The following IL17RC variants were observed in gnomAD, a reference collection of about 807,000 sequenced individuals.
The protein encoded by IL17RC is interleukin-17 receptor C.
Under a neutral mutation model 86.7 loss-of-function variants are expected in IL17RC, and 53 were observed. That is an observed-to-expected ratio of 0.61 (90% CI 0.49 to 0.77). The LOEUF (loss-of-function observed/expected upper bound fraction) is 0.77, where lower values mean the gene tolerates loss of function less well. Among genes scored for constraint, IL17RC ranks in the 30% least tolerant of loss-of-function variants. IL17RC has a pLI of 0.00. For missense variants in IL17RC, 957 were observed against 940.0 expected, an observed-to-expected ratio of 1.02 and a Z score of -0.24; for synonymous variants, 439 against 413.1, an observed-to-expected ratio of 1.06 and a Z score of -0.76.
At chr3:9,924,454 TTCTG>T (rs1479907999) in intron 9 of IL17RC, among the ~76,000 whole-genome samples, 163 bp downstream of exon 9, 5 of 152,188 alleles carry the variant, frequency 3.3e-5, no homozygotes, top group South Asian at 2.1e-4. Flanking sequence ...GTCCTATGCC[TTCTG>T]TCTATTACAT....
At position 9,933,323 on chromosome 3, in the gene IL17RC, G is replaced by A. The variant is rs755343976; in HGVS notation, c.1893G>A (p.Gly631=). The A allele has an allele frequency of 1.1e-5, 17 of 1,608,284 alleles. No individual in the cohort carries two copies. In the South Asian group the frequency reaches 1.7e-4, roughly 16 times the overall value. ...GCCGGGCGCCCGGCAGCTACGTGGGGGCCTGCTTCGACAGGCTGCTCCACC... is the reference window on the plus strand; with the variant it reads ...GCCGGGCGCCCGGCAGCTACGTGGGAGCCTGCTTCGACAGGCTGCTCCACC... ...LQGRAPGSYV[G]ACFDRLLHPD... The change falls in exon 19 of 19, where the codon GGG becomes GGA. Residue 631 remains glycine (G), a synonymous_variant. Transcript: ENST00000403601.
chr3:9,917,736 T>A lies in IL17RC; in HGVS notation c.127+2T>A. The A allele has an allele frequency of 6.2e-7, 1 of 1,613,646 alleles. No homozygotes were observed. Among genetic ancestry groups the A allele is most frequent in the East Asian group, 2.2e-5 (1 of 44,862 alleles). On this transcript the variant is annotated splice_donor_variant, in intron 2 of 18. Coordinates refer to ENST00000403601, the MANE Select transcript of IL17RC (RefSeq NM_153460.4). LOFTEE classifies it high-confidence loss of function. ...AGGGCCTCTCCTGCCGCCTCTGGGG[T>A]AAGTATCCCTACTTTTAAAAAGAAT...
Position 9,928,171 on chromosome 3 carries a change from G to A in IL17RC, c.828G>A (p.Trp276Ter), listed in dbSNP as rs769130307. ...GACCCCCATTTCCTTTCCAGGTGTG[G>A]CCTCTGGAACCTGACTCCGTTAGGA... Reference protein sequence around the residue: ...DLVPCLCIQVWPLEPDSVRTN... With the variant: ...DLVPCLCIQV Residue 276 changes from tryptophan to a stop codon, truncating the protein, a stop_gained, in exon 10 of 19, where the codon TGG becomes TGA. Coordinates refer to ENST00000403601, the MANE Select transcript of IL17RC (RefSeq NM_153460.4). LOFTEE classifies it high-confidence loss of function. The A allele has an allele frequency of 2.5e-6, 4 of 1,614,086 alleles. No individual in the cohort carries two copies. Among genetic ancestry groups the A allele is most frequent in the Non-Finnish European group, 3.4e-6 (4 of 1,179,990 alleles).
intron 12 of IL17RC, 137 bp downstream of exon 12, chr3:9,928,767 T>A: frequency 1.2e-6 from 1 of 845,946 alleles, no homozygotes; most frequent in Non-Finnish European, 1.9e-6. Context: ...CCTACTTTAG[T>A]AGTGCGCGGG....
chr3:9,920,662 C>G, intron 6 of IL17RC, 60 bp downstream of exon 6: 1 of 1,135,714 alleles, frequency 8.8e-7, no homozygotes. Context: ...ATTCCCCCTC[C>G]TGATTTCACC....
chr3:9,930,184 C>T lies in IL17RC; in HGVS notation c.1278+35C>T, dbSNP rs759171909. 3.8e-5 allele frequency: 61 copies of T among 1,610,474 alleles called. No homozygotes were observed. The highest frequency in any genetic ancestry group is 4.7e-5 in the Non-Finnish European group (55 of 1,177,634). ...GGGCGACCCTCCTCCACAGATCTCT[C>T]CAAATGCATCTCACATCTGGCCTCA... On this transcript the variant is annotated intron_variant, in intron 14 of 18. Coordinates refer to ENST00000403601, the MANE Select transcript of IL17RC (RefSeq NM_153460.4). The surrounding 1 kb of genome is among the most constrained non-coding windows in gnomAD (Gnocchi z 5.8).
In IL17RC at chr3:9,930,763, G is replaced by A; in HGVS notation, c.1339-132G>A. On this transcript the variant is annotated intron_variant, in intron 15 of 18. Transcript: ENST00000403601. The surrounding 1 kb of genome is among the most constrained non-coding windows in gnomAD (Gnocchi z 5.8). ...TCAGTGGGCACAGCACAAAGGCAGA[G>A]CAGCTGCAGGAACCTTAGCCGGGAG... 1.2e-6 allele frequency: 1 copy of A among 844,580 alleles called. No individual in the cohort carries two copies. Among genetic ancestry groups the A allele is most frequent in the Non-Finnish European group, 2.1e-6 (1 of 483,516 alleles). The allele number at this position is 844,580 out of a possible 1,614,324, so 52.3% of individuals were successfully genotyped here. A position where few individuals can be genotyped will look rare whatever the true frequency, so the allele number is the denominator to read the frequency against.
In IL17RC at chr3:9,920,495, C is replaced by G; in HGVS notation, c.470C>G (p.Ser157Cys). 6.3e-7 allele frequency: 1 copy of G among 1,592,176 alleles called. No individual in the cohort carries two copies. The highest frequency in any genetic ancestry group is 1.1e-5 in the South Asian group (1 of 88,356). ...TCCTCACCCCTCTCCTCACAGGGCT[C>G]TGTGGTATATGACTGCTTCGAGGCT... The part of the protein sequence containing the change: ...ALVQFGQSVG[S>C]VVYDCFEAAL... Residue 157 changes from serine (S) to cysteine (C), a missense_variant, in exon 6 of 19, where the codon TCT becomes TGT. By Grantham distance (112) the Ser-to-Cys change is moderately radical. Transcript: ENST00000403601.
intron 7 of IL17RC, among the ~76,000 whole-genome samples, chr3:9,923,070 G>A (rs1273530156): frequency 2.6e-5 from 4 of 151,770 alleles, no homozygotes; most frequent in Non-Finnish European, 4.4e-5. Context: ...CAGCTACTCG[G>A]GAGCCTGAGG....
chr3:9,929,524 G>A, intron 12 of IL17RC: 1 of 390,524 alleles, frequency 2.6e-6, no homozygotes, highest in Non-Finnish European at 4.7e-6. Flanking sequence ...AAAGGGATAA[G>A]GTGGGACTGG....
intron 16 of IL17RC, among the ~76,000 whole-genome samples, 166 bp downstream of exon 16, chr3:9,931,109 C>T (rs776855269): frequency 2.6e-5 from 4 of 152,046 alleles, no homozygotes; most frequent in Non-Finnish European, 5.9e-5. Context: ...TTGCAGGGAT[C>T]GCAGGAACAC....
chr3:9,929,953 G>T, intron 13 of IL17RC, 56 bp downstream of exon 13: 1 of 1,613,798 alleles, frequency 6.2e-7, no homozygotes, highest in Admixed American at 1.7e-5. Flanking sequence ...GTGAAGGTCA[G>T]GGCATGGGAG....
At chr3:9,919,307 G>GT (rs1411204208) in intron 5 of IL17RC, among the ~76,000 whole-genome samples, 3 of 150,972 alleles carry the variant, frequency 2.0e-5, no homozygotes, top group African/African-American at 7.3e-5. Context: ...ATCTCTTAAA[G>GT]TTTTTTTGTT....
Position 9,929,882 on chromosome 3 carries a change from G to C in IL17RC, c.1141G>C (p.Glu381Gln), listed in dbSNP as rs768162049. 11 of 1,614,214 alleles carry C rather than the reference G, an allele frequency of 6.8e-6. No homozygotes were observed. The South Asian group carries it at 1.2e-4, about 18-fold the overall frequency. ...VNSSEKLQLQ[E>Q]CLWADSLGPL... ...CAGCTCGGAGAAGCTGCAGCTGCAG[G>C]AGTGCTTGTGGGCTGGTGAGTTGGG... Residue 381 changes from glutamate (E) to glutamine (Q), a missense_variant, in exon 13 of 19, where the codon GAG (glutamate) becomes CAG (glutamine). By Grantham distance (29) the Glu-to-Gln change is conservative. Transcript: ENST00000403601.
At chr3:9,931,468 C>CATATAT (rs1164461805) in intron 16 of IL17RC, among the ~76,000 whole-genome samples, 60 of 17,884 alleles carry the variant, frequency 3.4e-3, no homozygotes, top group South Asian at 0.014. Flanking sequence ...CACACACACA[C>CATATAT]ACATATATAT....
Position 9,933,099 on chromosome 3 carries a change from C to G in IL17RC, c.1669C>G (p.Gln557Glu), listed in dbSNP as rs748278550. The G allele has an allele frequency of 1.9e-6, 3 of 1,573,096 alleles. No homozygotes were observed. Among genetic ancestry groups the G allele is most frequent in the Non-Finnish European group, 2.6e-6 (3 of 1,165,790 alleles). Residue 557 changes from glutamine (Q) to glutamate (E), a missense_variant, in exon 19 of 19, where the codon CAG (glutamine) becomes GAG (glutamate). By Grantham distance (29) the Gln-to-Glu change is conservative. Coordinates refer to ENST00000403601, the MANE Select transcript of IL17RC (RefSeq NM_153460.4). ...DLWSRRELSA[Q>E]GPVAWFHAQR... is the part of the protein sequence containing the mutation. ...GTGGAGCCGTCGTGAACTGAGCGCG[C>G]AGGGGCCCGTGGCTTGGTTTCACGC...
chr3:9,927,907 C>T (rs559924420), intron 9 of IL17RC, among the ~76,000 whole-genome samples: 12 of 151,882 alleles, frequency 7.9e-5, no homozygotes, highest in Non-Finnish European at 1.8e-4. Flanking sequence ...CAAGATTGCA[C>T]CACTGCACTC....
intron 12 of IL17RC, chr3:9,928,935 A>G (rs1331490588): frequency 5.2e-6 from 2 of 384,946 alleles, no homozygotes; most frequent in East Asian, 8.6e-5. Context: ...CCATAAATGT[A>G]GCCACTTTTA....
chr3:9,921,118 A>G (rs1347549903), intron 7 of IL17RC, 149 bp downstream of exon 7: 2 of 577,318 alleles, frequency 3.5e-6, no homozygotes, highest in Non-Finnish European at 6.1e-6. Flanking sequence ...ATTTGTTCAT[A>G]ACACATTAAT....
Sources: gnomAD v4.1 joint callset for allele counts (sites outside exome capture counted in the v4.1 genomes callset) on GRCh38, gnomAD v4.1.1 for gene constraint, Gnocchi (gnomAD v3.1) non-coding constraint, MANE v1.5 for transcripts, NCBI Gene and HGNC (gene_info 2026-07-23, HGNC 2026-07-21) for gene names.